Variants in C12orf57 observed in about 807,000 individuals in gnomAD.
C12orf57 encodes protein C10.
Under a neutral mutation model 11.3 loss-of-function variants are expected in C12orf57, and 14 were observed. The ratio of observed to expected loss-of-function variants is 1.24; its 90% CI spans 0.82 to 1.94. The LOEUF is 1.94. C12orf57 is among the 30% of genes most tolerant of loss of function. The probability of loss-of-function intolerance (pLI) is 0.00; values close to 1 mark genes in which losing one functional copy is unlikely to be tolerated. For missense variants in C12orf57, 229 were observed against 172.4 expected (o/e 1.33, Z -1.84); for synonymous variants, 100 against 74.6 (o/e 1.34, Z -1.76).
intron 2 of C12orf57, among the ~76,000 whole-genome samples, chr12:6,945,460 C>A (rs944262758): frequency 6.6e-6 from 1 of 152,174 alleles, no homozygotes; most frequent in African/African-American, 2.4e-5. Context: ...TTCCTGAGTT[C>A]CAGCTACAGA....
chr12:6,944,546 T>C lies in C12orf57; in HGVS notation c.123T>C (p.Asp41=), dbSNP rs962899716. The change falls in exon 2 of 3, where the codon GAT becomes GAC. Residue 41 remains aspartate, a synonymous_variant. Transcript: ENST00000229281. ...ENAVRMDEAR[D]NACNDMGKML... is the part of the protein sequence containing the mutation. ...CAGTGCGCATGGACGAGGCTCGGGA[T>C]AACGCCTGCAACGACATGGGTAAGA... is the stretch of plus-strand genomic sequence containing the variant. 6.2e-7 allele frequency: 1 copy of C among 1,614,096 alleles called. No individual in the cohort carries two copies. The highest frequency in any genetic ancestry group is 8.5e-7 in the Non-Finnish European group (1 of 1,180,030).
Position 6,944,207 on chromosome 12 carries a change from G to C in C12orf57, c.52+34G>C, listed in dbSNP as rs781852257. On this transcript the variant is annotated intron_variant, in intron 1 of 2. Coordinates refer to ENST00000229281, the MANE Select transcript of C12orf57 (RefSeq NM_138425.4). ...CGTCCTAGTCAAGGCATAGGCTGCT[G>C]GCCTGGGGTAGTCAAGGCATGGGCT... 1.9e-4 allele frequency: 297 copies of C among 1,565,796 alleles called. 3 individuals carry two copies. In the Admixed American group the frequency reaches 4.9e-3, roughly 26 times the overall value.
chr12:6,943,606 A>T (rs782377497), upstream of C12orf57: 15 of 1,289,640 alleles, frequency 1.2e-5, no homozygotes, highest in Admixed American at 3.0e-4. Context: ...TCAGCACCGA[A>T]CTCATTTGCA....
intron 2 of C12orf57, 114 bp downstream of exon 2, chr12:6,944,766 C>G: frequency 6.4e-7 from 1 of 1,551,880 alleles, no homozygotes; most frequent in Non-Finnish European, 8.7e-7. Context: ...CACACGGCGG[C>G]AGCCACAATC....
Position 6,944,093 on chromosome 12 carries a change from TCCGCTGAA to T in C12orf57, c.-26_-19del, listed in dbSNP as rs1236541569. On this transcript the variant is annotated 5_prime_UTR_variant, in exon 1 of 3. Coordinates refer to ENST00000229281, the MANE Select transcript of C12orf57 (RefSeq NM_138425.4). The stretch of plus-strand genomic sequence containing the variant: ...TTTATTCGTGAGTTTTCCATTTACC[TCCGCTGAA>T]CCTAGAGCTTCAGACGCCCTATGGC... 1 of 1,613,942 alleles carries T rather than the reference TCCGCTGAA, an allele frequency of 6.2e-7. No homozygotes were observed.
At chr12:6,943,909 T>C (rs908009124), upstream of C12orf57, 4 of 1,201,538 alleles carry the variant, frequency 3.3e-6, no homozygotes, top group Admixed American at 2.8e-5. Flanking sequence ...TGATAGATTG[T>C]TTTCACTGTG....
At position 6,945,913 on chromosome 12, in the gene C12orf57, C is replaced by A. The variant is rs1555146557; in HGVS notation, c.372C>A (p.Ala124=). 3.1e-6 allele frequency: 5 copies of A among 1,611,308 alleles called. No individual in the cohort carries two copies. The highest frequency in any genetic ancestry group is 1.6e-4 in the Middle Eastern group (1 of 6,062). The change falls in exon 3 of 3, where the codon GCC becomes GCA. Residue 124 remains alanine, a synonymous_variant. Coordinates refer to ENST00000229281, the MANE Select transcript of C12orf57 (RefSeq NM_138425.4). ...PHGPAAGGSV[A]AS is the part of the protein sequence containing the mutation. ...GGCCTGCTGCTGGTGGCAGCGTGGC[C>A]GCCTCCTGAGAGTTGGCCCTCCCTT...
At chr12:6,943,933 T>C (rs74057227), upstream of C12orf57, 7,708 of 1,345,540 alleles carry the variant, frequency 5.7e-3, 228 homozygotes, top group African/African-American at 0.066. Context: ...AAATTATGGG[T>C]AGTTTTGGTG....
At chr12:6,943,724 A>T, upstream of C12orf57, 1 of 1,248,846 alleles carries the variant, frequency 8.0e-7, no homozygotes, top group South Asian at 1.4e-5. Flanking sequence ...TTGTTTATAC[A>T]GTAATAGGAA....
At chr12:6,944,004 CTGCGCCG>C, upstream of C12orf57, 1 of 1,595,090 alleles carries the variant, frequency 6.3e-7, no homozygotes. Flanking sequence ...GCGCTTCCGG[CTGCGCCG>C]GATGCTGTTT....
chr12:6,943,847 T>G (rs782092659), upstream of C12orf57: 49 of 901,016 alleles, frequency 5.4e-5, no homozygotes, highest in Non-Finnish European at 6.8e-5. Flanking sequence ...ATTTGTCTAG[T>G]AGGCTTTCTG....
upstream of C12orf57, chr12:6,943,474 T>C: frequency 1.6e-6 from 2 of 1,259,326 alleles, no homozygotes; most frequent in Non-Finnish European, 1.0e-6. Flanking sequence ...CCATCGCTCA[T>C]CAATAGACAA....
chr12:6,943,862 T>TA (rs1417303093), upstream of C12orf57: 7 of 939,034 alleles, frequency 7.5e-6, no homozygotes, highest in East Asian at 1.5e-4. Context: ...TTTCTGGCTT[T>TA]TTACCGGAAA....
chr12:6,944,716 C>T (rs781979651), intron 2 of C12orf57, 64 bp downstream of exon 2: 71 of 1,596,838 alleles, frequency 4.4e-5, no homozygotes, highest in Admixed American at 1.0e-4. Flanking sequence ...GGAGAGGGCG[C>T]CGGATCTGTG....
At chr12:6,943,991 T>C (rs1192482477), upstream of C12orf57, 74 of 1,588,302 alleles carry the variant, frequency 4.7e-5, no homozygotes, top group Non-Finnish European at 5.0e-5. Context: ...GGGCCACGCC[T>C]GGGCGCTTCC....
chr12:6,943,982 G>A (rs953516243), upstream of C12orf57: 41 of 1,578,458 alleles, frequency 2.6e-5, 1 homozygote, highest in Admixed American at 3.7e-5. Flanking sequence ...TGAAGGTTTG[G>A]GCCACGCCTG....
upstream of C12orf57, chr12:6,943,695 A>C (rs1210350744): frequency 1.4e-5 from 18 of 1,281,696 alleles, no homozygotes; most frequent in Non-Finnish European, 1.5e-5. Flanking sequence ...TTTCCTACTG[A>C]AAGTTACCAC....
At chr12:6,944,688 A>T (rs1214466208) in intron 2 of C12orf57, 36 bp downstream of exon 2, 1 of 1,592,616 alleles carries the variant, frequency 6.3e-7, no homozygotes, top group Non-Finnish European at 8.5e-7. Flanking sequence ...CAGACGCGGG[A>T]AGGCGGGAGT....
At chr12:6,946,000 T>TTAGCCTTGGTGTCAGTCTC in exon 3 of C12orf57, 1 of 1,503,734 alleles carries the variant, frequency 6.7e-7, no homozygotes. Flanking sequence ...CGCCTGTGAC[T>TTAGCCTTGGTGTCAGTCTC]TAGCCTTGGT....
Sources: gnomAD v4.1 joint callset for allele counts (sites outside exome capture counted in the v4.1 genomes callset) on GRCh38, gnomAD v4.1.1 for gene constraint, MANE v1.5 for transcripts, NCBI Gene and HGNC (gene_info 2026-07-23, HGNC 2026-07-21) for gene names.